The following MOCS1 variants were observed in gnomAD, a reference collection of about 807,000 sequenced individuals.
MOCS1 encodes molybdenum cofactor biosynthesis protein 1.
Under a neutral mutation model 57.6 loss-of-function variants are expected in MOCS1, and 39 were observed. The ratio of observed to expected loss-of-function variants is 0.68; its 90% CI spans 0.52 to 0.88. The LOEUF is 0.88. Ranked by LOEUF, MOCS1 falls within the 40% of genes least tolerant of loss-of-function variation. MOCS1 has a pLI of 0.00. For missense variants in MOCS1, 795 were observed against 831.1 expected (o/e 0.96, Z 0.53); for synonymous variants, 334 against 335.7 (o/e 1.00, Z 0.05).
chr6:39,909,145 GGGGGAGAGGGAGAGGAAAGCA>G (rs749225024), intron 9 of MOCS1, 43 bp from the exon 10 acceptor site: 1 of 1,209,326 alleles, frequency 8.3e-7, no homozygotes, highest in South Asian at 1.2e-5. Context: ...AAGCAGGGGA[GGGGGAGAGGGAGAGGAAAGCA>G]GGGGAGGGGG....
rs373680755 is a variant in MOCS1, at chr6:39,925,694, G to A, written c.402C>T (p.Asp134=). 9 of 1,612,682 alleles carry A rather than the reference G, an allele frequency of 5.6e-6. No individual in the cohort carries two copies. The highest frequency in any genetic ancestry group is 1.3e-5 in the African/African-American group (1 of 74,910). ...LTGGEPLIRP[D]VVDIVAQLQR... ...CCAACTCACCCACAATGTCCACCAC[G>A]TCCGGCCGGATAAGCGGCTCTCCAC... The change falls in exon 3 of 11, where the codon GAC becomes GAT. Residue 134 remains aspartate, a synonymous_variant. Transcript: ENST00000340692.
chr6:39,917,847 T>C (rs906782937), intron 3 of MOCS1, among the ~76,000 whole-genome samples: 37 of 152,192 alleles, frequency 2.4e-4, no homozygotes, highest in African/African-American at 8.2e-4. Context: ...AGAAAAAACT[T>C]GAGAAGCAGA....
chr6:39,929,273 A>G (rs2984439), intron 1 of MOCS1, among the ~76,000 whole-genome samples: 63,367 of 151,844 alleles, frequency 0.42, 13,571 homozygotes, highest in African/African-American at 0.51. Flanking sequence ...TCCCTGCGGT[A>G]TGATGGAGAA....
intron 2 of MOCS1, 117 bp downstream of exon 2, chr6:39,927,212 G>T: frequency 1.5e-6 from 2 of 1,337,314 alleles, no homozygotes; most frequent in Non-Finnish European, 1.0e-6. Context: ...GGTAGCAGGT[G>T]AAGAAGTTAG....
Position 39,906,338 on chromosome 6 carries a change from T to C in MOCS1, c.*19A>G. ...CCCAGCTCCAGGCCTGGGTGGGCCA[T>C]GGGTGAGAAGGGCAGGTGCTAAGCC... On this transcript the variant is annotated 3_prime_UTR_variant, in exon 11 of 11. Transcript: ENST00000340692. 1 of 1,598,164 alleles carries C rather than the reference T, an allele frequency of 6.3e-7. No individual in the cohort carries two copies. Among genetic ancestry groups the C allele is most frequent in the Non-Finnish European group, 8.6e-7 (1 of 1,169,414 alleles).
rs2984443 is a variant in MOCS1 at position 39,909,600 on chromosome 6, C to T, written c.1102+235G>A. Among the ~76,000 whole-genome samples, 104,549 of 151,818 alleles carry T rather than the reference C, an allele frequency of 0.69. 36,181 individuals carry two copies. The highest frequency in any genetic ancestry group is 0.86 in the East Asian group (4,401 of 5,128). ...ACCTAGTAAAACAGCCCAAGAGAAT[C>T]TGGGGTCCCCTCTCCTGTGCAGCCT... is the stretch of plus-strand genomic sequence containing the variant. On this transcript the variant is annotated intron_variant, in intron 9 of 10. Coordinates refer to ENST00000340692, the MANE Select transcript of MOCS1 (RefSeq NM_001358530.2).
Position 39,904,442 on chromosome 6 carries a change from T to A in MOCS1, c.*1915A>T. The A allele has an allele frequency of 2.2e-6, 1 of 454,772 alleles. No individual in the cohort carries two copies. The highest frequency in any genetic ancestry group is 1.6e-5 in the South Asian group (1 of 64,480). The allele number at this position is 454,772 out of a possible 1,614,324, so 28.2% of individuals were successfully genotyped here. A position where few individuals can be genotyped will look rare whatever the true frequency, so the allele number is the denominator to read the frequency against. The stretch of plus-strand genomic sequence containing the variant: ...TGGTCCTTAATAGGTTGTTTCTTGG[T>A]CTTGCTTTCTTCATGCCCTCCCCAC... On this transcript the variant is annotated 3_prime_UTR_variant, in exon 11 of 11. Transcript: ENST00000340692.
Position 39,906,378 on chromosome 6 carries a change from C to A in MOCS1, c.1890G>T (p.Arg630=), listed in dbSNP as rs1562082193. Reference sequence around the variant, plus strand: ...GGTGCTAAGCCCGATGGAAGTCCCCCCGCTGACCACCAGTCTTGCTAATGA... The same window carrying A: ...GGTGCTAAGCCCGATGGAAGTCCCCACGCTGACCACCAGTCTTGCTAATGA... ...IKLISKTGGQ[R]GDFHRA The change falls in exon 11 of 11, where the codon CGG becomes CGT. Residue 630 remains arginine, a synonymous_variant. Transcript: ENST00000340692. The A allele has an allele frequency of 4.4e-6, 7 of 1,596,416 alleles. 1 individual carries two copies. The highest frequency in any genetic ancestry group is 2.2e-5 in the South Asian group (2 of 89,596).
Position 39,904,467 on chromosome 6 carries a change from C to CA in MOCS1, c.*1889_*1890insT, listed in dbSNP as rs1253963240. On this transcript the variant is annotated 3_prime_UTR_variant, in exon 11 of 11. Transcript: ENST00000340692. The stretch of plus-strand genomic sequence containing the variant: ...TCTTGCTTTCTTCATGCCCTCCCCA[C>CA]TGCTCCTGCCACCTTTAGATAAGTT... The CA allele has an allele frequency of 2.2e-6, 1 of 454,596 alleles. No individual in the cohort carries two copies. Among genetic ancestry groups the CA allele is most frequent in the South Asian group, 1.6e-5 (1 of 64,478 alleles). 28.2% of individuals were successfully genotyped at this position (454,596 alleles called of 1,614,324 possible).
chr6:39,929,939 C>CAA (rs397948587), intron 1 of MOCS1, among the ~76,000 whole-genome samples: 1,225 of 96,592 alleles, frequency 0.013, 29 homozygotes, highest in African/African-American at 0.034. Context: ...GAGATTCTCT[C>CAA]AAAAAAAAAA....
chr6:39,912,551 G>C (rs1258292417), intron 7 of MOCS1, among the ~76,000 whole-genome samples, 177 bp from the exon 8 acceptor site: 1 of 152,178 alleles, frequency 6.6e-6, no homozygotes, highest in Admixed American at 6.5e-5. Flanking sequence ...ATGACCCATG[G>C]GTTGACCTAT....
Position 39,907,093 on chromosome 6 carries a change from G to A in MOCS1, c.1175C>T (p.Ser392Phe), listed in dbSNP as rs1404897954. Residue 392 changes from serine (S) to phenylalanine (F), a missense_variant, in exon 11 of 11, where the codon TCC becomes TTC. This residue lies in a region of MOCS1 where 374 missense variants were observed against 422.6 expected (regional missense o/e 0.89). Coordinates refer to ENST00000340692, the MANE Select transcript of MOCS1 (RefSeq NM_001358530.2). ...LIELFLMFPN[S>F]PPANPSIFSW... Reference sequence around the variant, plus strand: ...GAAAATGCTTGGATTGGCTGGTGGGGAATTGGGGAACATCAAAAATAACTC... The same window carrying A: ...GAAAATGCTTGGATTGGCTGGTGGGAAATTGGGGAACATCAAAAATAACTC... 1 of 1,612,754 alleles carries A rather than the reference G, an allele frequency of 6.2e-7. No individual in the cohort carries two copies. The highest frequency in any genetic ancestry group is 1.7e-5 in the Admixed American group (1 of 59,904).
In MOCS1 at chr6:39,912,969, T is replaced by G. The variant is rs1269381010; in HGVS notation, c.793A>C (p.Lys265Gln). 2 of 1,613,990 alleles carry G rather than the reference T, an allele frequency of 1.2e-6. No individual in the cohort carries two copies. The highest frequency in any genetic ancestry group is 1.7e-6 in the Non-Finnish European group (2 of 1,180,018). Residue 265 changes from lysine (K) to glutamine (Q), a missense_variant, in exon 7 of 11, where the codon AAG (lysine) becomes CAG (glutamine). Transcript: ENST00000340692. The part of the protein sequence containing the change: ...KWNFKKMVSY[K>Q]EMLDTVRQQW... The stretch of plus-strand genomic sequence containing the variant: ...TGCCGGACAGTGTCTAGCATCTCCT[T>G]ATAGCTGACCATCTTCTTGAAGTTC...
Position 39,905,355 on chromosome 6 carries a change from G to A in MOCS1, c.*1002C>T, listed in dbSNP as rs115706925. On this transcript the variant is annotated 3_prime_UTR_variant, in exon 11 of 11. Coordinates refer to ENST00000340692, the MANE Select transcript of MOCS1 (RefSeq NM_001358530.2). Reference sequence around the variant, plus strand: ...CTACTCCACTTTATTTTCCCATAGCGGGGCTATACAGAGAGTACACCCTTA... The same window carrying A: ...CTACTCCACTTTATTTTCCCATAGCAGGGCTATACAGAGAGTACACCCTTA... 2,088 of 459,828 alleles carry A rather than the reference G, an allele frequency of 4.5e-3. 30 individuals carry two copies. The highest frequency in any genetic ancestry group is 0.037 in the African/African-American group (1,852 of 50,134). The allele number at this position is 459,828 out of a possible 1,614,324, so 28.5% of individuals were successfully genotyped here.
intron 1 of MOCS1, 24 bp from the exon 2 acceptor site, chr6:39,927,479 A>G: frequency 1.2e-6 from 2 of 1,610,166 alleles, no homozygotes; most frequent in Non-Finnish European, 1.7e-6. Context: ...CCAGGGAGGA[A>G]GCATGGGCCC....
intron 8 of MOCS1, among the ~76,000 whole-genome samples, chr6:39,911,389 T>C (rs1582808724): frequency 2.0e-5 from 3 of 152,314 alleles, no homozygotes; most frequent in Admixed American, 2.0e-4. Context: ...TCCGCGAACA[T>C]TACCAAGCTC....
chr6:39,913,954 G>C (rs751374019), intron 4 of MOCS1, 119 bp from the exon 5 acceptor site: 1 of 1,024,210 alleles, frequency 9.8e-7, no homozygotes, highest in Non-Finnish European at 1.5e-6. Context: ...TCTAAAACAG[G>C]CCAGAGTAAT....
Position 39,906,553 on chromosome 6 carries a change from C to T in MOCS1, c.1715G>A (p.Arg572His), listed in dbSNP as rs41273140. 0.02 allele frequency: 32,123 copies of T among 1,613,746 alleles called. 383 individuals are homozygous for T. Among genetic ancestry groups the T allele is most frequent in the Non-Finnish European group, 0.023 (26,677 of 1,180,034 alleles). ...IQVQLELDST[R>H]HAVKIQASCR... ...AGATGCCTGGATCTTCACGGCATGG[C>T]GTGTGCTGTCCAGCTCCAGCTGCAC... Residue 572 changes from arginine to histidine, a missense_variant, in exon 11 of 11, where the codon CGC becomes CAC. Arg to His is a conservative substitution (Grantham distance 29). Coordinates refer to ENST00000340692, the MANE Select transcript of MOCS1 (RefSeq NM_001358530.2).
At chr6:39,915,121 G>C (rs757075432) in intron 4 of MOCS1, among the ~76,000 whole-genome samples, 7 of 152,142 alleles carry the variant, frequency 4.6e-5, no homozygotes, top group Non-Finnish European at 7.3e-5. Flanking sequence ...ACAAGCAAAG[G>C]CTGTCCCATG....
Sources: allele counts gnomAD v4.1 joint callset (sites outside exome capture counted in the v4.1 genomes callset), GRCh38; gene constraint gnomAD v4.1.1; regional missense constraint gnomAD v4.1.1; transcripts MANE v1.5; gene names NCBI Gene and HGNC (gene_info 2026-07-23, HGNC 2026-07-21).